The following CNTNAP2 variants were observed in gnomAD, a reference collection of about 807,000 sequenced individuals.
CNTNAP2 encodes contactin-associated protein-like 2.
A neutral mutation model predicts 155.2 loss-of-function variants in CNTNAP2; 98 were observed. The observed-to-expected ratio is 0.63, with a 90% CI of 0.54 to 0.75. The LOEUF (loss-of-function observed/expected upper bound fraction) is 0.75. Among genes scored for constraint, CNTNAP2 ranks in the 30% least tolerant of loss-of-function variants. The pLI, the probability that CNTNAP2 is intolerant of heterozygous loss-of-function variation, is 0.00. For missense variants in CNTNAP2, 1,727 were observed against 1,688.1 expected (o/e 1.02, Z -0.40); for synonymous variants, 651 against 631.2 (o/e 1.03, Z -0.47).
At chr7:147,998,292 T>C (rs962347324) in intron 15 of CNTNAP2, among the ~76,000 whole-genome samples, 4 of 151,856 alleles carry the variant, frequency 2.6e-5, no homozygotes, top group African/African-American at 9.7e-5. Flanking sequence ...TTTGTATTTT[T>C]AGTAGAGACG....
chr7:147,707,425 G>A (rs976931933), intron 13 of CNTNAP2, among the ~76,000 whole-genome samples: 1 of 152,208 alleles, frequency 6.6e-6, no homozygotes, highest in Admixed American at 6.5e-5. Flanking sequence ...TGACTGCAGT[G>A]TCTGTGATTT....
chr7:147,741,574 A>G (rs6953679), intron 13 of CNTNAP2, among the ~76,000 whole-genome samples: 106,947 of 152,084 alleles, frequency 0.7, 38,738 homozygotes, highest in East Asian at 0.97. Context: ...CCTTTGACTC[A>G]TGGTTTATAC....
intron 1 of CNTNAP2, among the ~76,000 whole-genome samples, chr7:146,281,641 A>G (rs1274903311): frequency 6.6e-6 from 1 of 152,026 alleles, no homozygotes; most frequent in Non-Finnish European, 1.5e-5. Flanking sequence ...TTAAAAATAC[A>G]AAAATTAGCC....
intron 1 of CNTNAP2, among the ~76,000 whole-genome samples, chr7:146,380,891 G>A (rs1264296400): frequency 6.9e-6 from 1 of 144,262 alleles, no homozygotes; most frequent in African/African-American, 2.7e-5. Context: ...TCCGCCCCCT[G>A]GGGTTCACGC....
At chr7:147,299,477 A>G (rs1378346478) in intron 8 of CNTNAP2, among the ~76,000 whole-genome samples, 1 of 151,074 alleles carries the variant, frequency 6.6e-6, no homozygotes, top group African/African-American at 2.4e-5. Context: ...AAGATAACTT[A>G]TTTGTAAATG....
intron 8 of CNTNAP2, among the ~76,000 whole-genome samples, chr7:147,279,765 C>T (rs897197005): frequency 6.6e-6 from 1 of 151,784 alleles, no homozygotes; most frequent in Non-Finnish European, 1.5e-5. Flanking sequence ...TGACTTGAAC[C>T]AATGTAAACG....
chr7:148,386,700 G>A (rs148998393), intron 22 of CNTNAP2, among the ~76,000 whole-genome samples: 15 of 152,112 alleles, frequency 9.9e-5, no homozygotes, highest in African/African-American at 3.6e-4. Flanking sequence ...CTCAGTGTCA[G>A]GGAGGAAAAA....
chr7:146,942,220 T>C (rs750818830), intron 3 of CNTNAP2, among the ~76,000 whole-genome samples: 4 of 151,964 alleles, frequency 2.6e-5, no homozygotes, highest in Admixed American at 2.6e-4. Context: ...GAAGAAAAAA[T>C]ATAGATGTAA....
intron 8 of CNTNAP2, among the ~76,000 whole-genome samples, chr7:147,297,959 A>G (rs1364558221): frequency 2.0e-5 from 3 of 152,232 alleles, no homozygotes; most frequent in African/African-American, 7.2e-5. Context: ...GCTGGATCAT[A>G]TGGTAGACCA....
intron 8 of CNTNAP2, among the ~76,000 whole-genome samples, chr7:147,276,101 C>T: frequency 6.6e-6 from 1 of 151,862 alleles, no homozygotes; most frequent in Non-Finnish European, 1.5e-5. Context: ...TTTTTGCATG[C>T]AATATCCCAG....
chr7:147,886,159 T>G (rs577894960), intron 13 of CNTNAP2, among the ~76,000 whole-genome samples: 2 of 152,222 alleles, frequency 1.3e-5, no homozygotes, highest in Admixed American at 1.3e-4. Context: ...GTTGTCACTG[T>G]GGATGACTCA....
intron 21 of CNTNAP2, among the ~76,000 whole-genome samples, chr7:148,328,515 G>A (rs1184651464): frequency 8.4e-6 from 1 of 119,632 alleles, no homozygotes; most frequent in Non-Finnish European, 1.8e-5. Context: ...TGTTCAATAG[G>A]CCTTGGGGCC....
chr7:147,408,554 A>G (rs1239810294), intron 10 of CNTNAP2, among the ~76,000 whole-genome samples: 1 of 152,142 alleles, frequency 6.6e-6, no homozygotes, highest in Non-Finnish European at 1.5e-5. Context: ...AGGTCAGGAG[A>G]TCGAGACCAT....
At chr7:147,406,418 C>T (rs1006446097) in intron 10 of CNTNAP2, among the ~76,000 whole-genome samples, 2 of 151,858 alleles carry the variant, frequency 1.3e-5, no homozygotes, top group Non-Finnish European at 2.9e-5. Flanking sequence ...TTTTTCTATG[C>T]CAAGAAAAAA....
chr7:148,205,060 G>A (rs1288974478), intron 18 of CNTNAP2, among the ~76,000 whole-genome samples: 5 of 152,188 alleles, frequency 3.3e-5, no homozygotes, highest in African/African-American at 9.7e-5. Context: ...AAGAGTCCTC[G>A]CTGAATCAAC....
In CNTNAP2 at chr7:146,712,273, T is replaced by TATACATATATGTATACATATCTTATGC. The variant is rs1554471207; in HGVS notation, c.98-61972_98-61971insCATACATATATGTATACATATCTTATG. Among the ~76,000 whole-genome samples, 858 of 128,998 alleles carry TATACATATATGTATACATATCTTATGC rather than the reference T, an allele frequency of 6.7e-3. 72 individuals carry two copies. Among genetic ancestry groups the TATACATATATGTATACATATCTTATGC allele is most frequent in the African/African-American group, 0.026 (799 of 30,392 alleles). The allele number at this position is 128,998 out of a possible 152,430, so 84.6% of individuals were successfully genotyped here. On this transcript the variant is annotated intron_variant, in intron 1 of 23. Transcript: ENST00000361727. ...TACAAATATGTATACATATCTTATG[T>TATACATATATGTATACATATCTTATGC]ATACATATATGTATACATATCTTAT...
chr7:147,448,514 ATTGTT>A (rs934593487), intron 10 of CNTNAP2, among the ~76,000 whole-genome samples: 2 of 146,838 alleles, frequency 1.4e-5, no homozygotes, highest in African/African-American at 5.0e-5. Flanking sequence ...ATGCACCCCC[ATTGTT>A]TAGTATCAGT....
intron 4 of CNTNAP2, among the ~76,000 whole-genome samples, chr7:147,064,258 A>G (rs1407863811): frequency 2.0e-5 from 3 of 152,170 alleles, no homozygotes; most frequent in Non-Finnish European, 2.9e-5. Flanking sequence ...TTAAAACTCC[A>G]ATGTCAACTT....
chr7:146,562,835 T>G (rs1443013042), intron 1 of CNTNAP2, among the ~76,000 whole-genome samples: 1 of 152,146 alleles, frequency 6.6e-6, no homozygotes, highest in African/African-American at 2.4e-5. Context: ...TGATTGAAAC[T>G]AAAACTTCAA....
Sources: gnomAD v4.1 joint callset for allele counts (sites outside exome capture counted in the v4.1 genomes callset) on GRCh38, gnomAD v4.1.1 for gene constraint, MANE v1.5 for transcripts, NCBI Gene and HGNC (gene_info 2026-07-23, HGNC 2026-07-21) for gene names.